Variants in AGAP1 observed in about 807,000 individuals in gnomAD.
The protein encoded by AGAP1 is ArfGAP with GTPase domain, ankyrin repeat and PH domain 1.
In AGAP1, 29 loss-of-function variants were observed where a neutral mutation model predicts 105.3. That is an observed-to-expected ratio of 0.28 (90% CI 0.21 to 0.38). The LOEUF is 0.38. Ranked by LOEUF, AGAP1 falls within the 10% of genes least tolerant of loss-of-function variation. AGAP1 has a pLI of 1.00. For synonymous variants in AGAP1, 509 were observed against 485.9 expected, an observed-to-expected ratio of 1.05 and a Z score of -0.63; for missense variants, 998 against 1,165.1, an observed-to-expected ratio of 0.86 and a Z score of 2.09.
rs1949645494 is a variant in AGAP1 at position 235,689,652 on chromosome 2, C to T, written c.164-19527C>T. Among the ~76,000 whole-genome samples the T allele has an allele frequency of 2.0e-5, 3 of 152,230 alleles. No individual in the cohort carries two copies. The highest frequency in any genetic ancestry group is 4.8e-5 in the African/African-American group (2 of 41,460). ...GGTCACCATAGGGACCTCCCCTAAC[C>T]TCAAATCTGTGTAATGAAGTATCTG... On this transcript the variant is annotated intron_variant, in intron 1 of 17. Coordinates refer to ENST00000304032, the MANE Select transcript of AGAP1 (RefSeq NM_001037131.3). The surrounding 1 kb of genome is among the most constrained non-coding windows in gnomAD (Gnocchi z 4.2).
At chr2:235,703,314 C>T (rs967713989) in intron 1 of AGAP1, among the ~76,000 whole-genome samples, 11 of 152,254 alleles carry the variant, frequency 7.2e-5, no homozygotes, top group South Asian at 2.1e-4. Context: ...GTGCCTCCAG[C>T]GCAGCAGTGA....
rs549376210 is a variant in AGAP1, at chr2:235,979,272, A to G, written c.1645+10649A>G. ...CAAGCATGTATCACCACAGCCAGCT[A>G]GAGTGCACATTTTTAAGGGCAGTTT... On this transcript the variant is annotated intron_variant, in intron 13 of 17. Coordinates refer to ENST00000304032, the MANE Select transcript of AGAP1 (RefSeq NM_001037131.3). The surrounding 1 kb of genome is among the most constrained non-coding windows in gnomAD (Gnocchi z 4.5). Among the ~76,000 whole-genome samples the G allele has an allele frequency of 9.2e-5, 14 of 151,934 alleles. No homozygotes were observed. The highest frequency in any genetic ancestry group is 3.4e-4 in the African/African-American group (14 of 41,450).
intron 13 of AGAP1, among the ~76,000 whole-genome samples, chr2:235,997,295 G>A (rs1331701876): frequency 1.3e-5 from 2 of 152,172 alleles, no homozygotes; most frequent in Non-Finnish European, 2.9e-5. Context: ...CTCCATGTTG[G>A]TCAGGCTGGT....
At position 236,053,474 on chromosome 2, in the gene AGAP1, C is replaced by T. The variant is rs990629030; in HGVS notation, c.2114+4193C>T. 1.3e-5 allele frequency among the ~76,000 whole-genome samples: 2 copies of T among 152,242 alleles called. No homozygotes were observed. The highest frequency in any genetic ancestry group is 2.4e-5 in the African/African-American group (1 of 41,476). On this transcript the variant is annotated intron_variant, in intron 16 of 17. Coordinates refer to ENST00000304032, the MANE Select transcript of AGAP1 (RefSeq NM_001037131.3). This position sits in a 1 kb window ranked among gnomAD's most constrained non-coding sequence, Gnocchi z 4.6. ...CAGTGTTTCCGGGGCTGCACGGCAG[C>T]GCCCTGGCCCGTTGTTCTTTATTGT...
intron 1 of AGAP1, among the ~76,000 whole-genome samples, chr2:235,502,295 AT>A (rs1202316676): frequency 6.6e-6 from 1 of 152,144 alleles, no homozygotes; most frequent in Non-Finnish European, 1.5e-5. Flanking sequence ...GAGATCGTTA[AT>A]GGATTCTTTG....
At chr2:235,632,936 A>G (rs560026237) in intron 1 of AGAP1, among the ~76,000 whole-genome samples, 1 of 151,912 alleles carries the variant, frequency 6.6e-6, no homozygotes, top group East Asian at 1.9e-4. Context: ...AAGGAAGACG[A>G]CCTCTTGCAA....
At chr2:235,530,417 T>A (rs1176523703) in intron 1 of AGAP1, among the ~76,000 whole-genome samples, 2 of 152,210 alleles carry the variant, frequency 1.3e-5, no homozygotes, top group Non-Finnish European at 2.9e-5. Flanking sequence ...TTACCCCAGA[T>A]GCAGTGGCTT....
rs1436075246 is a variant in AGAP1 at position 236,012,821 on chromosome 2, C to G, written c.1646-23740C>G. 6.6e-6 allele frequency among the ~76,000 whole-genome samples: 1 copy of G among 151,996 alleles called. No individual in the cohort carries two copies. The highest frequency in any genetic ancestry group is 2.4e-5 in the African/African-American group (1 of 41,366). On this transcript the variant is annotated intron_variant, in intron 13 of 17. Coordinates refer to ENST00000304032, the MANE Select transcript of AGAP1 (RefSeq NM_001037131.3). The surrounding 1 kb of genome is among the most constrained non-coding windows in gnomAD (Gnocchi z 4.9). ...TGAGATGGAATCTCTCACTGTCGCC[C>G]AGGCTGGAGTGCAGTGGTACGATCT... is the stretch of plus-strand genomic sequence containing the variant.
chr2:235,841,786 GT>G (rs1960880583), intron 9 of AGAP1, among the ~76,000 whole-genome samples: 1 of 152,288 alleles, frequency 6.6e-6, no homozygotes, highest in Non-Finnish European at 1.5e-5. Context: ...ACAGCTCTGA[GT>G]TTCTGTTTTC....
At chr2:235,538,240 C>T (rs962474420) in intron 1 of AGAP1, among the ~76,000 whole-genome samples, 1 of 152,074 alleles carries the variant, frequency 6.6e-6, no homozygotes, top group African/African-American at 2.4e-5. Flanking sequence ...ATCTGAATTT[C>T]CAGGGCAGGG....
At chr2:235,685,201 G>A (rs1949315971) in intron 1 of AGAP1, among the ~76,000 whole-genome samples, 1 of 152,072 alleles carries the variant, frequency 6.6e-6, no homozygotes, top group African/African-American at 2.4e-5. Context: ...GGACAGAAGA[G>A]TTCCTGAGAG....
chr2:235,726,968 C>T (rs1007762127), intron 3 of AGAP1, among the ~76,000 whole-genome samples: 1 of 152,206 alleles, frequency 6.6e-6, no homozygotes, highest in Non-Finnish European at 1.5e-5. Context: ...TCATGCCCAG[C>T]AAGGTCTCCC....
At chr2:235,666,824 A>G (rs1171658780) in intron 1 of AGAP1, among the ~76,000 whole-genome samples, 3 of 152,066 alleles carry the variant, frequency 2.0e-5, no homozygotes, top group Non-Finnish European at 4.4e-5. Flanking sequence ...AGATAGATTT[A>G]CATACCTTAA....
At chr2:235,945,700 G>A (rs1318615842) in intron 12 of AGAP1, among the ~76,000 whole-genome samples, 2 of 151,894 alleles carry the variant, frequency 1.3e-5, no homozygotes, top group African/African-American at 2.4e-5. Flanking sequence ...GTATGAATCC[G>A]TTCTCACACT....
intron 6 of AGAP1, among the ~76,000 whole-genome samples, chr2:235,785,837 T>C (rs1157894727): frequency 2.0e-5 from 3 of 152,234 alleles, no homozygotes; most frequent in East Asian, 1.9e-4. Context: ...TCTGCACTTA[T>C]CTTAGGTCTT....
At chr2:235,955,966 T>G (rs1387032897) in intron 12 of AGAP1, among the ~76,000 whole-genome samples, 1 of 152,206 alleles carries the variant, frequency 6.6e-6, no homozygotes, top group Non-Finnish European at 1.5e-5. Context: ...CATGTGACTT[T>G]TCATAGAAAC....
At position 235,992,851 on chromosome 2, in the gene AGAP1, C is replaced by T. The variant is rs560656671; in HGVS notation, c.1645+24228C>T. On this transcript the variant is annotated intron_variant, in intron 13 of 17. Transcript: ENST00000304032. The surrounding 1 kb of genome is among the most constrained non-coding windows in gnomAD (Gnocchi z 4.8). ...CACAGGCTGCACATTGTTTCATGGC[C>T]TTTGCAGTTGAGCTTGTGTTGGCCT... Among the ~76,000 whole-genome samples the T allele has an allele frequency of 2.0e-5, 3 of 152,312 alleles. No homozygotes were observed. Among genetic ancestry groups the T allele is most frequent in the East Asian group, 3.9e-4 (2 of 5,174 alleles).
chr2:235,772,645 C>T (rs3106792), intron 6 of AGAP1, among the ~76,000 whole-genome samples: 38,593 of 152,178 alleles, frequency 0.25, 5,281 homozygotes, highest in Admixed American at 0.4. Context: ...GGGAATGCCT[C>T]TCATAGCTGA....
At chr2:235,670,438 C>T in intron 1 of AGAP1, 1 of 549,218 alleles carries the variant, frequency 1.8e-6, no homozygotes, top group South Asian at 2.0e-5. Flanking sequence ...CGTGCGCACG[C>T]GGCCTGGAAC....
Sources: gnomAD v4.1 joint callset for allele counts (sites outside exome capture counted in the v4.1 genomes callset) on GRCh38, gnomAD v4.1.1 for gene constraint, Gnocchi (gnomAD v3.1) non-coding constraint, MANE v1.5 for transcripts, NCBI Gene and HGNC (gene_info 2026-07-23, HGNC 2026-07-21) for gene names.